MRTFB: variants seen among roughly 807,000 people sequenced by gnomAD.
MRTFB encodes myocardin-related transcription factor B.
MRTFB carries 29 observed loss-of-function variants against 104.2 expected under a neutral mutation model. That is an observed-to-expected ratio of 0.28 (90% CI 0.21 to 0.38). MRTFB has a LOEUF of 0.38. MRTFB is among the 10% of genes least tolerant of loss of function. The pLI is 1.00. For missense variants in MRTFB, 1,270 were observed against 1,341.6 expected (o/e 0.95, Z 0.83); for synonymous variants, 535 against 519.5 (o/e 1.03, Z -0.41).
chr16:14,160,196 T>G (rs1255068674), intron 3 of MRTFB, among the ~76,000 whole-genome samples: 1 of 152,204 alleles, frequency 6.6e-6, no homozygotes. Context: ...TTAGTTGTCA[T>G]ATGTCTTATT....
At position 14,245,413 on chromosome 16, in the gene MRTFB, C is replaced by T. The variant is rs144249583; in HGVS notation, c.1080-115C>T. On this transcript the variant is annotated intron_variant, in intron 10 of 16. Transcript: ENST00000571589. ...TGGCATCTTTACAATATTCAGCCTT[C>T]CAATCCATAACCATGGTATTTTTCT... 251 of 843,846 alleles carry T rather than the reference C, an allele frequency of 3.0e-4. No homozygotes were observed. The African/African-American group carries it at 3.6e-3, about 12-fold the overall frequency. 52.3% of individuals were successfully genotyped at this position (843,846 alleles called of 1,614,324 possible). A position where few individuals can be genotyped will look rare whatever the true frequency, so the allele number is the denominator to read the frequency against.
At chr16:14,187,680 T>C (rs114292154) in intron 3 of MRTFB, among the ~76,000 whole-genome samples, 131 of 152,354 alleles carry the variant, frequency 8.6e-4, no homozygotes, top group African/African-American at 3.1e-3. Context: ...TTTAAGGAAA[T>C]AGCCAAACAT....
intron 15 of MRTFB, among the ~76,000 whole-genome samples, chr16:14,254,039 A>G (rs1420969277): frequency 6.6e-6 from 1 of 152,216 alleles, no homozygotes; most frequent in Non-Finnish European, 1.5e-5. Context: ...AGTCCTGCTT[A>G]CTTGATGAAT....
chr16:14,200,819 C>G, intron 3 of MRTFB: 1 of 1,470,236 alleles, frequency 6.8e-7, no homozygotes. Flanking sequence ...AAGTGGTTGG[C>G]GGTGGTTATC....
chr16:14,182,531 T>C (rs2039804950), intron 3 of MRTFB, among the ~76,000 whole-genome samples: 1 of 152,204 alleles, frequency 6.6e-6, no homozygotes, highest in South Asian at 2.1e-4. Flanking sequence ...TCCATTCATA[T>C]ATAGAGATAT....
At chr16:14,000,436 G>A in the MRTFB span, among the ~76,000 whole-genome samples, 3 of 152,348 alleles carry the variant, frequency 2.0e-5, no homozygotes, top group African/African-American at 4.8e-5. Flanking sequence ...TGCTCCAGGA[G>A]CTCAGTGAGG....
chr16:14,056,196 C>G, the MRTFB span, among the ~76,000 whole-genome samples: 5 of 152,086 alleles, frequency 3.3e-5, no homozygotes, highest in Non-Finnish European at 2.9e-5. Context: ...CCAGGCTGGT[C>G]TTGAACTCCT....
the MRTFB span, among the ~76,000 whole-genome samples, chr16:14,056,419 A>G: frequency 1.3e-5 from 2 of 151,942 alleles, no homozygotes; most frequent in African/African-American, 4.8e-5. Flanking sequence ...TTATAATCCA[A>G]TATTACCATT....
the MRTFB span, among the ~76,000 whole-genome samples, chr16:13,995,913 C>A: frequency 6.6e-6 from 1 of 152,104 alleles, no homozygotes; most frequent in African/African-American, 2.4e-5. Context: ...TGGGTGGGGA[C>A]ACACAGCCAA....
chr16:14,033,056 A>G, the MRTFB span, among the ~76,000 whole-genome samples: 1 of 151,920 alleles, frequency 6.6e-6, no homozygotes, highest in African/African-American at 2.4e-5. Flanking sequence ...AGAGAAGGTT[A>G]TTAGAAAATG....
At chr16:14,124,726 T>C (rs921640211) in intron 2 of MRTFB, among the ~76,000 whole-genome samples, 2 of 152,182 alleles carry the variant, frequency 1.3e-5, no homozygotes, top group Admixed American at 1.3e-4. Flanking sequence ...AATTTTCTTT[T>C]TTTGTTGTGT....
chr16:14,123,101 G>A (rs1699582939), intron 2 of MRTFB, among the ~76,000 whole-genome samples: 1 of 152,218 alleles, frequency 6.6e-6, no homozygotes, highest in Admixed American at 6.5e-5. Flanking sequence ...TTTGAGAAGT[G>A]TCGGTTCACA....
intron 2 of MRTFB, among the ~76,000 whole-genome samples, chr16:14,138,027 G>A (rs1428378116): frequency 1.3e-5 from 2 of 151,900 alleles, no homozygotes; most frequent in East Asian, 3.9e-4. Flanking sequence ...GAAACTATTT[G>A]TATTTTTTAA....
chr16:14,219,770 A>C (rs1237147404), intron 8 of MRTFB, among the ~76,000 whole-genome samples: 2 of 152,178 alleles, frequency 1.3e-5, no homozygotes, highest in African/African-American at 4.8e-5. Context: ...ATGATCTGAA[A>C]TATGTTTATT....
intron 3 of MRTFB, among the ~76,000 whole-genome samples, chr16:14,160,411 T>A (rs2038986538): frequency 6.6e-6 from 1 of 152,326 alleles, no homozygotes; most frequent in Non-Finnish European, 1.5e-5. Context: ...AAATGACAAT[T>A]TTGTCCCATT....
intron 2 of MRTFB, among the ~76,000 whole-genome samples, chr16:14,137,933 C>G (rs986617301): frequency 1.3e-5 from 2 of 151,908 alleles, no homozygotes; most frequent in African/African-American, 4.8e-5. Flanking sequence ...TATTTGTTTT[C>G]TGCTTGTCCC....
intron 3 of MRTFB, among the ~76,000 whole-genome samples, chr16:14,155,768 G>A (rs2038803824): frequency 6.6e-6 from 1 of 152,132 alleles, no homozygotes; most frequent in African/African-American, 2.4e-5. Context: ...TCCCGACCTT[G>A]TATGCACTCT....
intron 3 of MRTFB, among the ~76,000 whole-genome samples, chr16:14,161,678 A>AAT (rs1291173123): frequency 1.3e-5 from 2 of 152,162 alleles, no homozygotes; most frequent in East Asian, 3.8e-4. Context: ...GGTAAATCTC[A>AAT]ATATATATAT....
At chr16:14,247,851 A>C in intron 12 of MRTFB, 1 of 214,746 alleles carries the variant, frequency 4.7e-6, no homozygotes. Context: ...AGTACTTTAA[A>C]TGGCCGGCTT....
Sources: allele counts gnomAD v4.1 joint callset (sites outside exome capture counted in the v4.1 genomes callset), GRCh38; gene constraint gnomAD v4.1.1; transcripts MANE v1.5; gene names NCBI Gene and HGNC (gene_info 2026-07-23, HGNC 2026-07-21).